Variants in TRIM54 observed in about 807,000 individuals in gnomAD.
TRIM54 encodes tripartite motif-containing protein 54.
In TRIM54, 40 loss-of-function variants were observed where a neutral mutation model predicts 42.0. The observed-to-expected ratio is 0.95, with a 90% confidence interval of 0.74 to 1.24. TRIM54 has a LOEUF of 1.24. TRIM54 is among the 50% of genes most tolerant of loss of function. The pLI is 0.00. For missense variants in TRIM54, 485 were observed against 480.3 expected (o/e 1.01, Z -0.09); for synonymous variants, 199 against 194.9 (o/e 1.02, Z -0.17).
In TRIM54 at chr2:27,297,534, C is replaced by G. The variant is rs142927450; in HGVS notation, c.169-1033C>G. ...TCTGAGCCTACCCCTATCACAACAC[C>G]CATCCTGCTGGATGCAGTTGTCAGG... On this transcript the variant is annotated intron_variant, in intron 1 of 8. Coordinates refer to ENST00000380075, the MANE Select transcript of TRIM54 (RefSeq NM_187841.3). Among the ~76,000 whole-genome samples, 5 of 152,326 alleles carry G rather than the reference C, an allele frequency of 3.3e-5. No homozygotes were observed. In the East Asian group the frequency reaches 9.7e-4, roughly 29 times the overall value.
intron 1 of TRIM54, among the ~76,000 whole-genome samples, chr2:27,297,480 G>C (rs2148197157): frequency 6.6e-6 from 1 of 152,332 alleles, no homozygotes; most frequent in South Asian, 2.1e-4. Context: ...TAAGCCGGAG[G>C]AAGTGATGGG....
intron 3 of TRIM54, among the ~76,000 whole-genome samples, chr2:27,301,011 C>T (rs973163260): frequency 1.3e-5 from 2 of 151,930 alleles, no homozygotes; most frequent in African/African-American, 2.4e-5. Context: ...TATTGGATCT[C>T]GCGCAAGAAA....
rs772566926 is a variant in TRIM54, at chr2:27,305,742, C to T, written c.768C>T (p.His256=). The T allele has an allele frequency of 1.3e-5, 21 of 1,611,928 alleles. No individual in the cohort carries two copies. Among genetic ancestry groups the T allele is most frequent in the Non-Finnish European group, 1.7e-5 (20 of 1,179,076 alleles). ...VRGLIRQYGD[H]LEASSKLVES... ...GCCTCATCCGTCAGTATGGCGACCA[C>T]CTGGAGGCCTCCTCTAAGCTGGTGG... The change falls in exon 5 of 9, where the codon CAC becomes CAT. Residue 256 remains histidine, a synonymous_variant. Transcript: ENST00000380075.
In TRIM54 at chr2:27,306,809, G is replaced by A; in HGVS notation, c.*2-78G>A. On this transcript the variant is annotated intron_variant, in intron 8 of 8. Coordinates refer to ENST00000380075, the MANE Select transcript of TRIM54 (RefSeq NM_187841.3). The surrounding 1 kb of genome is among the most constrained non-coding windows in gnomAD (Gnocchi z 6.1). ...GAGTAGAGGAGAAACCCACGTGGCG[G>A]GGGACGGAGTGAGCGGGGCTCGAGC... The A allele has an allele frequency of 1.9e-6, 1 of 533,210 alleles. No homozygotes were observed. Among genetic ancestry groups the A allele is most frequent in the Non-Finnish European group, 3.3e-6 (1 of 302,444 alleles). 33.0% of individuals were successfully genotyped at this position (533,210 alleles called of 1,614,324 possible). A position where few individuals can be genotyped will look rare whatever the true frequency, so the allele number is the denominator to read the frequency against.
At chr2:27,286,796 A>G (rs1678579835) in intron 1 of TRIM54, among the ~76,000 whole-genome samples, 2 of 152,290 alleles carry the variant, frequency 1.3e-5, no homozygotes, top group African/African-American at 2.4e-5. Flanking sequence ...GAGAGAGATG[A>G]CTTTTGTTTC....
rs142672168 is a variant in TRIM54, at chr2:27,282,812, C to T, written c.81C>T (p.Pro27=). 1,585 of 1,614,118 alleles carry T rather than the reference C, an allele frequency of 9.8e-4. 10 individuals are homozygous for T. The African/African-American group carries it at 0.019, about 19-fold the overall frequency. ...ACCTGGAGAAGCAGCTCATCTGCCC[C>T]ATCTGCCTGGAGATGTTCTCCAAAC... ...MDNLEKQLIC[P]ICLEMFSKPV... Residue 27 remains proline (P), a synonymous_variant, in exon 1 of 9, where the codon CCC becomes CCT. Transcript: ENST00000380075.
At chr2:27,293,481 C>T (rs1678776418) in intron 1 of TRIM54, among the ~76,000 whole-genome samples, 1 of 152,120 alleles carries the variant, frequency 6.6e-6, no homozygotes. Flanking sequence ...GAGGAGGTCT[C>T]CCCTGAGATT....
chr2:27,304,692 T>C, intron 3 of TRIM54: 1 of 402,286 alleles, frequency 2.5e-6, no homozygotes, highest in Non-Finnish European at 4.5e-6. Context: ...ATAAAGTATC[T>C]AGCCCAGTGT....
chr2:27,287,438 C>T (rs571291007), intron 1 of TRIM54, among the ~76,000 whole-genome samples: 24 of 152,134 alleles, frequency 1.6e-4, no homozygotes, highest in Admixed American at 1.2e-3. Context: ...AACTCCTGGA[C>T]TCAAAGGATC....
At chr2:27,299,504 G>A (rs990250088) in intron 3 of TRIM54, 88 bp downstream of exon 3, 6 of 1,547,818 alleles carry the variant, frequency 3.9e-6, no homozygotes, top group Non-Finnish European at 5.2e-6. Flanking sequence ...CTTATCTTTT[G>A]TTTACTTATT....
rs191087897 is a variant in TRIM54 at position 27,289,785 on chromosome 2, A to C, written c.168+6886A>C. Among the ~76,000 whole-genome samples, 52 of 151,742 alleles carry C rather than the reference A, an allele frequency of 3.4e-4. 1 individual carries two copies. In the East Asian group the frequency reaches 8.5e-3, roughly 25 times the overall value. On this transcript the variant is annotated intron_variant, in intron 1 of 8. Transcript: ENST00000380075. ...CAGTCTCAGGTACTCAGGAGGCTGA[A>C]GCAGGAGGATCGCTTGAGCCTAGGA...
chr2:27,306,573 G>A lies in TRIM54; in HGVS notation c.*1+31G>A. ...AGCCGCCCGATGGGCCTTAAGGTGA[G>A]AGCGGCCTGAGGGGCTTGGGGTGGG... On this transcript the variant is annotated intron_variant, in intron 8 of 8. Transcript: ENST00000380075. The surrounding 1 kb of genome is among the most constrained non-coding windows in gnomAD (Gnocchi z 6.1). 1 of 1,509,784 alleles carries A rather than the reference G, an allele frequency of 6.6e-7. No homozygotes were observed. The highest frequency in any genetic ancestry group is 8.9e-7 in the Non-Finnish European group (1 of 1,127,608). 93.5% of individuals were successfully genotyped at this position (1,509,784 alleles called of 1,614,324 possible).
At chr2:27,305,131 T>C in intron 4 of TRIM54, 77 bp downstream of exon 4, 1 of 1,279,292 alleles carries the variant, frequency 7.8e-7, no homozygotes. Context: ...GAACTGCTCC[T>C]CTCTGACCTC....
At chr2:27,305,138 C>A in intron 4 of TRIM54, 84 bp downstream of exon 4, 1 of 1,225,798 alleles carries the variant, frequency 8.2e-7, no homozygotes, top group Non-Finnish European at 1.2e-6. Flanking sequence ...TCCTCTCTGA[C>A]CTCTCGCCAA....
At chr2:27,304,701 G>C (rs1005324910) in intron 3 of TRIM54, 14 of 419,626 alleles carry the variant, frequency 3.3e-5, no homozygotes, top group African/African-American at 2.3e-4. Flanking sequence ...CTAGCCCAGT[G>C]TCTGGTATCT....
In TRIM54 at chr2:27,282,716, C is replaced by T. The variant is rs1237139085; in HGVS notation, c.-16C>T. 6.2e-7 allele frequency: 1 copy of T among 1,603,094 alleles called. No homozygotes were observed. The highest frequency in any genetic ancestry group is 8.5e-7 in the Non-Finnish European group (1 of 1,175,264). On this transcript the variant is annotated 5_prime_UTR_variant, in exon 1 of 9. Coordinates refer to ENST00000380075, the MANE Select transcript of TRIM54 (RefSeq NM_187841.3). Reference sequence around the variant, plus strand: ...GGCCAGGAGCAGGGCCCAGGCCAGGCACGACCACCGAGGGGATGAACTTCA... The same window carrying T: ...GGCCAGGAGCAGGGCCCAGGCCAGGTACGACCACCGAGGGGATGAACTTCA...
intron 1 of TRIM54, among the ~76,000 whole-genome samples, chr2:27,295,151 G>T (rs542694455): frequency 6.6e-6 from 1 of 150,860 alleles, no homozygotes; most frequent in Non-Finnish European, 1.5e-5. Flanking sequence ...TTGCAACCTC[G>T]GCCTCCTGGG....
intron 1 of TRIM54, among the ~76,000 whole-genome samples, chr2:27,294,747 G>A (rs958773517): frequency 1.3e-5 from 2 of 151,564 alleles, no homozygotes; most frequent in Non-Finnish European, 1.5e-5. Flanking sequence ...AAAATTAGCC[G>A]GACATAGTGG....
chr2:27,298,072 TCTAGAATTACCTGG>T (rs1412731298), intron 1 of TRIM54, among the ~76,000 whole-genome samples: 7 of 151,798 alleles, frequency 4.6e-5, no homozygotes, highest in Admixed American at 4.6e-4. Context: ...GGAGCAATTT[TCTAGAATTACCTGG>T]CTAGTTACAG....
Sources: gnomAD v4.1 joint callset for allele counts (sites outside exome capture counted in the v4.1 genomes callset) on GRCh38, gnomAD v4.1.1 for gene constraint, Gnocchi (gnomAD v3.1) non-coding constraint, MANE v1.5 for transcripts, NCBI Gene and HGNC (gene_info 2026-07-23, HGNC 2026-07-21) for gene names.